RANBP17: variants seen among roughly 807,000 people sequenced by gnomAD.
The protein encoded by RANBP17 is ran-binding protein 17.
Under a neutral mutation model 141.2 loss-of-function variants are expected in RANBP17, and 158 were observed. The ratio of observed to expected loss-of-function variants is 1.12; its 90% CI spans 0.98 to 1.28. The LOEUF (loss-of-function observed/expected upper bound fraction) is 1.28. RANBP17 is among the 50% of genes most tolerant of loss of function. RANBP17 has a pLI of 0.00. For missense variants in RANBP17, 1,438 were observed against 1,290.7 expected (o/e 1.11, Z -1.75); for synonymous variants, 430 against 450.0 (o/e 0.96, Z 0.56).
intron 14 of RANBP17, among the ~76,000 whole-genome samples, chr5:171,127,680 T>C (rs998694779): frequency 3.3e-5 from 5 of 152,208 alleles, no homozygotes; most frequent in African/African-American, 1.2e-4. Flanking sequence ...GCAGTTAGAA[T>C]GGTTATTATC....
At chr5:170,974,224 G>T (rs190945236) in intron 14 of RANBP17, among the ~76,000 whole-genome samples, 19 of 152,272 alleles carry the variant, frequency 1.2e-4, no homozygotes, top group Middle Eastern at 6.8e-3. Flanking sequence ...CTAGCTGTCA[G>T]CCTGTTAAAT....
At chr5:170,941,968 A>G (rs1396934504) in intron 12 of RANBP17, among the ~76,000 whole-genome samples, 1 of 152,196 alleles carries the variant, frequency 6.6e-6, no homozygotes, top group African/African-American at 2.4e-5. Flanking sequence ...GTACTGGTTC[A>G]TGGCTTGCCA....
intron 14 of RANBP17, among the ~76,000 whole-genome samples, chr5:170,979,998 A>G (rs1034827682): frequency 6.6e-6 from 1 of 152,164 alleles, no homozygotes; most frequent in African/African-American, 2.4e-5. Context: ...AATGCTGATA[A>G]TTATATGGAC....
intron 4 of RANBP17, among the ~76,000 whole-genome samples, chr5:170,893,099 T>C (rs1362446127): frequency 1.3e-5 from 2 of 152,192 alleles, no homozygotes; most frequent in Non-Finnish European, 2.9e-5. Flanking sequence ...TTACACATTG[T>C]ATATAGGTAT....
intron 25 of RANBP17, among the ~76,000 whole-genome samples, chr5:171,282,625 C>T (rs981811073): frequency 2.0e-5 from 3 of 151,964 alleles, no homozygotes; most frequent in Admixed American, 2.0e-4. Flanking sequence ...ATTACAGGTG[C>T]GCACCACCAC....
chr5:171,089,947 C>T (rs1483471148), intron 14 of RANBP17, among the ~76,000 whole-genome samples: 1 of 152,206 alleles, frequency 6.6e-6, no homozygotes, highest in Non-Finnish European at 1.5e-5. Context: ...GAGCTGTAGA[C>T]CGGAGCTGTT....
chr5:171,028,040 T>C (rs1267931922), intron 14 of RANBP17, among the ~76,000 whole-genome samples: 44 of 152,004 alleles, frequency 2.9e-4, no homozygotes, highest in Admixed American at 2.9e-3. Flanking sequence ...GTGATACCCA[T>C]ACATACCAAT....
chr5:171,042,280 A>G (rs1782301646), intron 14 of RANBP17, among the ~76,000 whole-genome samples: 1 of 152,114 alleles, frequency 6.6e-6, no homozygotes, highest in Non-Finnish European at 1.5e-5. Context: ...TAGTTAGGAT[A>G]GGACCTAACT....
intron 14 of RANBP17, among the ~76,000 whole-genome samples, chr5:171,138,602 C>G (rs538495556): frequency 6.6e-6 from 1 of 150,536 alleles, no homozygotes; most frequent in Admixed American, 6.6e-5. Context: ...AGAACGAAAG[C>G]AACAGTGAAA....
At chr5:170,941,157 A>G (rs1774296252) in intron 12 of RANBP17, among the ~76,000 whole-genome samples, 1 of 152,166 alleles carries the variant, frequency 6.6e-6, no homozygotes, top group Non-Finnish European at 1.5e-5. Flanking sequence ...TAGAAAAGAA[A>G]AAAGGCCAGA....
intron 14 of RANBP17, among the ~76,000 whole-genome samples, chr5:171,122,161 C>T (rs1480344271): frequency 6.6e-6 from 1 of 152,222 alleles, no homozygotes; most frequent in Non-Finnish European, 1.5e-5. Flanking sequence ...TCACTGGTGC[C>T]TCAATGCTGC....
intron 14 of RANBP17, among the ~76,000 whole-genome samples, chr5:171,160,390 G>T (rs1005889267): frequency 6.6e-6 from 1 of 152,016 alleles, no homozygotes; most frequent in Non-Finnish European, 1.5e-5. Context: ...ACAAAGAAAA[G>T]AGACATTCCA....
At chr5:171,053,857 A>C (rs566425087) in intron 14 of RANBP17, among the ~76,000 whole-genome samples, 1 of 125,506 alleles carries the variant, frequency 8.0e-6, no homozygotes, top group Non-Finnish European at 1.6e-5. Flanking sequence ...TTTTTCCTTC[A>C]AATCCTGTCA....
In RANBP17 at chr5:170,914,240, A is replaced by G. The variant is rs770212182; in HGVS notation, c.834A>G (p.Leu278=). Residue 278 remains leucine (L), a splice_region_variant and synonymous_variant, in exon 8 of 28, where the codon TTA becomes TTG. Transcript: ENST00000523189. ...CACTTCCACCACTACTATCTCAGTT[A>G]GTAAGTAAAAGTCATTCGTTATTTC... is the stretch of plus-strand genomic sequence containing the variant. ...YHSLPPLLSQ[L]ALSCLVQFAS... 3.8e-6 allele frequency: 6 copies of G among 1,569,356 alleles called. No homozygotes were observed. The South Asian group carries it at 6.7e-5, about 17-fold the overall frequency.
At chr5:171,274,155 C>T (rs879466610) in intron 25 of RANBP17, among the ~76,000 whole-genome samples, 11,238 of 143,710 alleles carry the variant, frequency 0.078, 565 homozygotes, top group East Asian at 0.19. Flanking sequence ...TGTGTGCGCG[C>T]GCGCGCGCGT....
At chr5:170,894,826 G>C (rs963364312) in intron 4 of RANBP17, among the ~76,000 whole-genome samples, 1 of 152,120 alleles carries the variant, frequency 6.6e-6, no homozygotes, top group Admixed American at 6.5e-5. Context: ...GCTTATGTAA[G>C]ACTGTAAATG....
intron 14 of RANBP17, among the ~76,000 whole-genome samples, chr5:170,987,693 C>T (rs184060541): frequency 4.0e-4 from 60 of 151,704 alleles, no homozygotes; most frequent in Non-Finnish European, 6.1e-4. Flanking sequence ...TATTTAAAAA[C>T]GTCTTTGCTG....
chr5:170,933,720 G>C (rs1390727749), intron 12 of RANBP17, among the ~76,000 whole-genome samples: 1 of 152,030 alleles, frequency 6.6e-6, no homozygotes, highest in Non-Finnish European at 1.5e-5. Flanking sequence ...GTAGTTGAGC[G>C]GTTTTGAGTG....
chr5:171,255,141 T>G lies in RANBP17; in HGVS notation c.2777-10540T>G, dbSNP rs556701044. The stretch of plus-strand genomic sequence containing the variant: ...CTAGAGATGTTTTGTACAAATTATA[T>G]ATAGCCTGCCTGATCTACCAACATG... On this transcript the variant is annotated intron_variant, in intron 24 of 27. Coordinates refer to ENST00000523189, the MANE Select transcript of RANBP17 (RefSeq NM_022897.5). 7.9e-5 allele frequency among the ~76,000 whole-genome samples: 12 copies of G among 152,294 alleles called. No homozygotes were observed. The South Asian group carries it at 2.3e-3, about 29-fold the overall frequency.
Sources: allele counts gnomAD v4.1 joint callset (sites outside exome capture counted in the v4.1 genomes callset), GRCh38; gene constraint gnomAD v4.1.1; transcripts MANE v1.5; gene names NCBI Gene and HGNC (gene_info 2026-07-23, HGNC 2026-07-21).